SLC26A9: variants seen among roughly 807,000 people sequenced by gnomAD.
SLC26A9 encodes the protein solute carrier family 26 member 9, also known as anion transporter/exchanger protein 9.
SLC26A9 carries 46 observed loss-of-function variants against 87.1 expected under a neutral mutation model. That is an observed-to-expected ratio of 0.53 (90% CI 0.42 to 0.67). The LOEUF (loss-of-function observed/expected upper bound fraction) is 0.67. Ranked by LOEUF, SLC26A9 falls within the 30% of genes least tolerant of loss-of-function variation. SLC26A9 has a pLI of 0.00. For missense variants in SLC26A9, 927 were observed against 1,018.3 expected (o/e 0.91, Z 1.22); for synonymous variants, 437 against 409.1 (o/e 1.07, Z -0.82).
Position 205,921,893 on chromosome 1 carries a change from A to G in SLC26A9, c.1774-46T>C, listed in dbSNP as rs939058410. The G allele has an allele frequency of 2.5e-6, 4 of 1,574,674 alleles. No individual in the cohort carries two copies. In the East Asian group the frequency reaches 6.8e-5, roughly 27 times the overall value. On this transcript the variant is annotated intron_variant, in intron 16 of 20. Coordinates refer to ENST00000367135, the MANE Select transcript of SLC26A9 (RefSeq NM_052934.4). ...GGCAGAGTCAGGGACCACCAGACTG[A>G]GCCAGACCTTGCTGTGACTGAAGCA... is the stretch of plus-strand genomic sequence containing the variant.
chr1:205,942,969 G>A (rs575817388), intron 1 of SLC26A9, among the ~76,000 whole-genome samples: 3 of 152,338 alleles, frequency 2.0e-5, no homozygotes, highest in South Asian at 2.1e-4. Context: ...AGCATTAAGA[G>A]CTTTTCCCTC....
At chr1:205,922,320 G>A (rs1658875183) in intron 16 of SLC26A9, among the ~76,000 whole-genome samples, 1 of 152,186 alleles carries the variant, frequency 6.6e-6, no homozygotes, top group South Asian at 2.1e-4. Flanking sequence ...TGTATTTTTA[G>A]TAGAGACAGC....
intron 12 of SLC26A9, among the ~76,000 whole-genome samples, chr1:205,925,304 G>A (rs1659020938): frequency 6.6e-6 from 1 of 152,160 alleles, no homozygotes; most frequent in African/African-American, 2.4e-5. Flanking sequence ...TCGGCTGGGG[G>A]CCTGGTTTTG....
intron 20 of SLC26A9, 113 bp from the exon 21 acceptor site, chr1:205,915,517 CCTGTGTGT>C (rs1558117099): frequency 1.0e-5 from 12 of 1,159,134 alleles, no homozygotes; most frequent in Non-Finnish European, 1.4e-5. Context: ...GAACAAAGCA[CCTGTGTGT>C]GTGTGTGTGT....
In SLC26A9 at chr1:205,913,622, T is replaced by A. The variant is rs1046034024; in HGVS notation, c.*1735A>T. The A allele has an allele frequency of 5.2e-5, 8 of 152,622 alleles. No homozygotes were observed. Among genetic ancestry groups the A allele is most frequent in the Non-Finnish European group, 1.5e-5 (1 of 68,038 alleles). The allele number at this position is 152,622 out of a possible 1,614,324, so 9.5% of individuals were successfully genotyped here. On this transcript the variant is annotated 3_prime_UTR_variant, in exon 21 of 21. Transcript: ENST00000367135. ...GGAGGTGGAGTAGGGGAGAGTGAGT[T>A]GTCATTGGCTAAGGCTCTTGTCCTC...
intron 1 of SLC26A9, among the ~76,000 whole-genome samples, chr1:205,937,230 C>CT (rs1659542253): frequency 6.6e-6 from 1 of 151,940 alleles, no homozygotes; most frequent in Admixed American, 6.6e-5. Flanking sequence ...GGCAAGACCC[C>CT]ACAGGTGATA....
In SLC26A9 at chr1:205,927,913, C is replaced by G; in HGVS notation, c.1090G>C (p.Asp364His). Residue 364 changes from aspartate (D) to histidine (H), a missense_variant, in exon 9 of 21, where the codon GAT becomes CAT. By Grantham distance (81) the Asp-to-His change is moderately conservative (BLOSUM62 -1). Transcript: ENST00000367135. Reference protein sequence around the residue: ...TLANKHGYDVDSNQEMIALGC... With the variant: ...TLANKHGYDVHSNQEMIALGC... ...GTGGCCAGAGCTACCTGGTTCGAATCCACGTCGTAGCCGTGCTTGTTGGCC... is the reference window on the plus strand; with the variant it reads ...GTGGCCAGAGCTACCTGGTTCGAATGCACGTCGTAGCCGTGCTTGTTGGCC... The G allele has an allele frequency of 6.2e-7, 1 of 1,614,044 alleles. No homozygotes were observed.
rs1658566896 is a variant in SLC26A9, at chr1:205,915,724, T to C, written c.2329-320A>G. 1.3e-5 allele frequency among the ~76,000 whole-genome samples: 2 copies of C among 152,292 alleles called. 1 individual carries two copies. Among genetic ancestry groups the C allele is most frequent in the African/African-American group, 4.8e-5 (2 of 41,554 alleles). On this transcript the variant is annotated intron_variant, in intron 20 of 20. Transcript: ENST00000367135. Reference sequence around the variant, plus strand: ...TTTCCTCATTGGGTAAAATGAGGGTTGGCAGTAGACAAGCTCTGAAGTCCT... The same window carrying C: ...TTTCCTCATTGGGTAAAATGAGGGTCGGCAGTAGACAAGCTCTGAAGTCCT...
intron 1 of SLC26A9, among the ~76,000 whole-genome samples, chr1:205,937,486 A>G (rs774187215): frequency 6.6e-6 from 1 of 152,200 alleles, no homozygotes; most frequent in Non-Finnish European, 1.5e-5. Flanking sequence ...GGGTTCAAAG[A>G]TTCAGTTTCT....
chr1:205,941,996 C>A (rs897863792), intron 1 of SLC26A9, among the ~76,000 whole-genome samples: 1 of 152,200 alleles, frequency 6.6e-6, no homozygotes, highest in Non-Finnish European at 1.5e-5. Flanking sequence ...GGCTCTGCCC[C>A]TTCCATCTTC....
chr1:205,940,335 G>A (rs761922024), intron 1 of SLC26A9, among the ~76,000 whole-genome samples: 8 of 152,152 alleles, frequency 5.3e-5, no homozygotes, highest in South Asian at 2.1e-4. Flanking sequence ...GCCAAAGCAC[G>A]CCCCTGGTAC....
chr1:205,919,111 G>T, intron 18 of SLC26A9, 126 bp from the exon 19 acceptor site: 1 of 1,190,260 alleles, frequency 8.4e-7, no homozygotes, highest in Non-Finnish European at 1.2e-6. Context: ...TGCTGTATCT[G>T]AGGGCCATGG....
rs141981216 is a variant in SLC26A9 at position 205,920,473 on chromosome 1, C to A, written c.2056-243G>T. Among the ~76,000 whole-genome samples, 124 of 152,274 alleles carry A rather than the reference C, an allele frequency of 8.1e-4. No individual in the cohort carries two copies. The East Asian group carries it at 0.015, about 19-fold the overall frequency. On this transcript the variant is annotated intron_variant, in intron 17 of 20. Transcript: ENST00000367135. ...CAACGTGGCGGGCACTTAAAGTCAC[C>A]ATGGCCCCTTCTTGTGGGGCTAGAT...
Position 205,923,353 on chromosome 1 carries a change from C to T in SLC26A9, c.1641G>A (p.Arg547=), listed in dbSNP as rs575478863. The change falls in exon 15 of 21, where the codon AGG becomes AGA. Residue 547 remains arginine (R), a synonymous_variant. Coordinates refer to ENST00000367135, the MANE Select transcript of SLC26A9 (RefSeq NM_052934.4). ...PLYFANSEIF[R]QKVIAKTGMD... ...GCCTTACCTTGGCGATGACCTTTTG[C>T]CTGAAGATCTCTGAGTTGGCAAAGT... The T allele has an allele frequency of 3.0e-5, 48 of 1,614,110 alleles. No homozygotes were observed. Among genetic ancestry groups the T allele is most frequent in the Admixed American group, 6.7e-5 (4 of 60,022 alleles).
intron 12 of SLC26A9, among the ~76,000 whole-genome samples, chr1:205,925,683 G>C (rs1659036215): frequency 6.6e-6 from 1 of 152,178 alleles, no homozygotes; most frequent in South Asian, 2.1e-4. Context: ...TAGAGGTCTG[G>C]AGTCCAGGAC....
In SLC26A9 at chr1:205,923,612, G is replaced by T. The variant is rs371224623; in HGVS notation, c.1498C>A (p.Arg500=). ...VLVVVFQTQF[R]NGYALAQVMD... ...ACCTGGGCCAGTGCATAGCCATTTC[G>T]ACTGGATGAAGCAGGAAGAGAAAAA... Residue 500 remains arginine, a splice_region_variant and synonymous_variant, in exon 14 of 21, where the codon CGA becomes AGA. Transcript: ENST00000367135. The T allele has an allele frequency of 1.9e-6, 3 of 1,614,134 alleles. No homozygotes were observed. The highest frequency in any genetic ancestry group is 2.7e-5 in the African/African-American group (2 of 75,046).
chr1:205,919,808 A>G (rs527363993), intron 18 of SLC26A9, among the ~76,000 whole-genome samples: 5 of 152,114 alleles, frequency 3.3e-5, no homozygotes, highest in Non-Finnish European at 7.4e-5. Context: ...TGATTGGGAG[A>G]GGATCCCCAA....
At position 205,927,599 on chromosome 1, in the gene SLC26A9, T is replaced by G. The variant is rs1474306766; in HGVS notation, c.1108A>C (p.Ile370Leu). 1 of 1,613,242 alleles carries G rather than the reference T, an allele frequency of 6.2e-7. No homozygotes were observed. The highest frequency in any genetic ancestry group is 8.5e-7 in the Non-Finnish European group (1 of 1,179,586). The change falls in exon 10 of 21, where the codon ATC becomes CTC. Residue 370 changes from isoleucine to leucine, a missense_variant. Transcript: ENST00000367135. The part of the protein sequence containing the change: ...GYDVDSNQEM[I>L]ALGCSNFFGS... ...AAGAAGTTGCTGCAGCCGAGAGCGA[T>G]CATCTCCTGCAGGGAGGGGACAGGA...
intron 8 of SLC26A9, among the ~76,000 whole-genome samples, 173 bp downstream of exon 8, chr1:205,928,654 G>A (rs539596992): frequency 6.6e-6 from 1 of 152,310 alleles, no homozygotes; most frequent in East Asian, 1.9e-4. Flanking sequence ...GCCTACATTG[G>A]CTGGTTGTGC....
Sources: allele counts gnomAD v4.1 joint callset (sites outside exome capture counted in the v4.1 genomes callset), GRCh38; gene constraint gnomAD v4.1.1; transcripts MANE v1.5; gene names NCBI Gene and HGNC (gene_info 2026-07-23, HGNC 2026-07-21).